LRRK2: variants seen among roughly 807,000 people sequenced by gnomAD.
LRRK2 encodes leucine rich repeat kinase 2.
In LRRK2, 203 loss-of-function variants were observed where a neutral mutation model predicts 302.6. The ratio of observed to expected loss-of-function variants is 0.67; its 90% confidence interval spans 0.60 to 0.75. The LOEUF (loss-of-function observed/expected upper bound fraction) is 0.75. Among genes scored for constraint, LRRK2 ranks in the 30% least tolerant of loss-of-function variants. The probability of loss-of-function intolerance (pLI) is 0.00; values close to 1 mark genes in which losing one functional copy is unlikely to be tolerated. For synonymous variants in LRRK2, 1,066 were observed against 1,031.9 expected, an observed-to-expected ratio of 1.03 and a Z score of -0.63; for missense variants, 2,830 against 2,951.0, an observed-to-expected ratio of 0.96 and a Z score of 0.95.
intron 19 of LRRK2, 128 bp downstream of exon 19, chr12:40,284,261 A>AT (rs55933352): frequency 0.014 from 7,503 of 519,874 alleles, no homozygotes; most frequent in South Asian, 0.02. Context: ...AAAGGTTTGG[A>AT]TTTTTTTTTT....
At chr12:40,325,163 C>T (rs1282819873) in intron 38 of LRRK2, among the ~76,000 whole-genome samples, 1 of 152,138 alleles carries the variant, frequency 6.6e-6, no homozygotes, top group Non-Finnish European at 1.5e-5. Context: ...TGGTGGGCAT[C>T]TGTAATCTCA....
intron 20 of LRRK2, 50 bp from the exon 21 acceptor site, chr12:40,293,495 A>G: frequency 1.7e-6 from 2 of 1,159,080 alleles, no homozygotes; most frequent in Middle Eastern, 4.2e-4. Context: ...CTTATGATTG[A>G]GTAAGCTTTT....
chr12:40,280,697 G>A (rs1943653528), intron 18 of LRRK2, among the ~76,000 whole-genome samples: 1 of 151,540 alleles, frequency 6.6e-6, no homozygotes, highest in South Asian at 2.1e-4. Flanking sequence ...GATCACTTGA[G>A]CCTAGGAGGT....
Position 40,363,399 on chromosome 12 carries a change from T to C in LRRK2, c.7029-3T>C, listed in dbSNP as rs199932095. 25 of 1,610,582 alleles carry C rather than the reference T, an allele frequency of 1.6e-5. No homozygotes were observed. Among genetic ancestry groups the C allele is most frequent in the Non-Finnish European group, 2.0e-5 (23 of 1,177,970 alleles). On this transcript the variant is annotated splice_polypyrimidine_tract_variant and splice_region_variant and intron_variant, in intron 47 of 50. Transcript: ENST00000298910. The stretch of plus-strand genomic sequence containing the variant: ...ATGACTTTCTATTTTTTTTTCTCTG[T>C]AGGTTTTCTTATGCAGCTTTCAGTG...
At chr12:40,317,396 G>C (rs980365982) in intron 33 of LRRK2, among the ~76,000 whole-genome samples, 1 of 152,076 alleles carries the variant, frequency 6.6e-6, no homozygotes, top group African/African-American at 2.4e-5. Context: ...AGAGCAACTT[G>C]TCTGACAGCT....
rs554060291 is a variant in LRRK2, at chr12:40,246,591, G to A, written c.838+2910G>A. 9.2e-5 allele frequency among the ~76,000 whole-genome samples: 14 copies of A among 152,108 alleles called. No individual in the cohort carries two copies. In the Middle Eastern group the frequency reaches 0.024, roughly 259 times the overall value. On this transcript the variant is annotated intron_variant, in intron 7 of 50. Coordinates refer to ENST00000298910, the MANE Select transcript of LRRK2 (RefSeq NM_198578.4). ...TCTAGGCTGACTGCCTGTCAGTTGCGGAGCCTTGTTTTCTTGTATGGTTGT... is the reference window on the plus strand; with the variant it reads ...TCTAGGCTGACTGCCTGTCAGTTGCAGAGCCTTGTTTTCTTGTATGGTTGT...
At chr12:40,295,381 A>G (rs201633454) in intron 22 of LRRK2, 46 bp from the exon 23 acceptor site, 36 of 1,560,792 alleles carry the variant, frequency 2.3e-5, no homozygotes, top group Non-Finnish European at 2.8e-5. Context: ...ACATGAATTT[A>G]AATTATTTGC....
intron 50 of LRRK2, 181 bp downstream of exon 50, chr12:40,367,258 TTAAA>T: frequency 1.8e-6 from 1 of 563,380 alleles, no homozygotes; most frequent in Non-Finnish European, 3.1e-6. Context: ...ATATGAAGTG[TTAAA>T]TATTTATATT....
At chr12:40,351,057 T>C (rs1472960497) in intron 43 of LRRK2, among the ~76,000 whole-genome samples, 2 of 152,200 alleles carry the variant, frequency 1.3e-5, no homozygotes, top group Non-Finnish European at 2.9e-5. Flanking sequence ...CTTCTGGTTC[T>C]GTTTTCTTAC....
Position 40,308,544 on chromosome 12 carries a change from G to A in LRRK2, c.4037G>A (p.Gly1346Asp). Residue 1346 changes from glycine to aspartate, a missense_variant, in exon 29 of 51, where the codon GGT becomes GAT. By Grantham distance (94) the Gly-to-Asp change is moderately conservative. Around this residue, in one of 3 missense-constraint regions of LRRK2, gnomAD observed 2,121 missense variants for 2,148.0 expected, o/e 0.99. Coordinates refer to ENST00000298910, the MANE Select transcript of LRRK2 (RefSeq NM_198578.4). The stretch of plus-strand genomic sequence containing the variant: ...ATGATTGTGGGAAATACTGGGAGTG[G>A]TAAAACCACCTTATTGCAGCAATTA... ...KLMIVGNTGS[G>D]KTTLLQQLMK... 6.2e-7 allele frequency: 1 copy of A among 1,613,984 alleles called. No individual in the cohort carries two copies. The highest frequency in any genetic ancestry group is 8.5e-7 in the Non-Finnish European group (1 of 1,179,956).
rs1945434072 is a variant in LRRK2 at position 40,322,514 on chromosome 12, T to C, written c.5509+4T>C. 6.2e-7 allele frequency: 1 copy of C among 1,611,666 alleles called. No homozygotes were observed. The highest frequency in any genetic ancestry group is 1.7e-5 in the Admixed American group (1 of 59,964). ...TTGATGAAGAAAGCAGAGGAAGGTA[T>C]GTTTTGATACAACTTACAAATGCTT... is the stretch of plus-strand genomic sequence containing the variant. On this transcript the variant is annotated splice_donor_region_variant and intron_variant, in intron 37 of 50. Coordinates refer to ENST00000298910, the MANE Select transcript of LRRK2 (RefSeq NM_198578.4).
In LRRK2 at chr12:40,238,004, G is replaced by T; in HGVS notation, c.472G>T (p.Asp158Tyr). 6.2e-7 allele frequency: 1 copy of T among 1,612,970 alleles called. No homozygotes were observed. Among genetic ancestry groups the T allele is most frequent in the Non-Finnish European group, 8.5e-7 (1 of 1,179,266 alleles). The change falls in exon 5 of 51, where the codon GAT becomes TAT. Residue 158 changes from aspartate to tyrosine, a missense_variant. Around this residue, in one of 3 missense-constraint regions of LRRK2, gnomAD observed 2,121 missense variants for 2,148.0 expected, o/e 0.99. Coordinates refer to ENST00000298910, the MANE Select transcript of LRRK2 (RefSeq NM_198578.4). The stretch of plus-strand genomic sequence containing the variant: ...CTTGCTGATATTGGATGAAGAAAGT[G>T]ATATTTTCATGTTAATTTTTGATGC... Reference protein sequence around the residue: ...ITLLILDEESDIFMLIFDAMH... With the variant: ...ITLLILDEESYIFMLIFDAMH...
At chr12:40,307,433 G>GT (rs1303355461) in intron 28 of LRRK2, among the ~76,000 whole-genome samples, 6 of 151,944 alleles carry the variant, frequency 3.9e-5, no homozygotes, top group African/African-American at 1.4e-4. Context: ...TTTAAAGGTG[G>GT]TTTTTTAGCT....
At chr12:40,340,198 C>A (rs1299940443) in intron 40 of LRRK2, 96 bp from the exon 41 acceptor site, 2 of 1,270,276 alleles carry the variant, frequency 1.6e-6, no homozygotes, top group Non-Finnish European at 2.2e-6. Context: ...ATTTTTGATG[C>A]TTGACATAGT....
intron 23 of LRRK2, among the ~76,000 whole-genome samples, chr12:40,296,761 A>T (rs1012263805): frequency 6.6e-6 from 1 of 152,136 alleles, no homozygotes; most frequent in South Asian, 2.1e-4. Flanking sequence ...TTTTTTCTCT[A>T]AAGTTTTTAT....
At position 40,321,092 on chromosome 12, in the gene LRRK2, A is replaced by G; in HGVS notation, c.5074A>G (p.Ile1692Val). Residue 1692 changes from isoleucine to valine, a missense_variant, in exon 35 of 51, where the codon ATC (isoleucine) becomes GTC (valine). Ile to Val is a conservative substitution (Grantham distance 29). Around this residue, in one of 3 missense-constraint regions of LRRK2, gnomAD observed 2,121 missense variants for 2,148.0 expected, o/e 0.99. Transcript: ENST00000298910. ...CCATTGTGAGAACTCTGAAATTATC[A>G]TCCGACTATATGAAATGCCTTATTT... The part of the protein sequence containing the change: ...LPHCENSEII[I>V]RLYEMPYFPM... 1 of 1,612,940 alleles carries G rather than the reference A, an allele frequency of 6.2e-7. No homozygotes were observed. Among genetic ancestry groups the G allele is most frequent in the Non-Finnish European group, 8.5e-7 (1 of 1,179,090 alleles).
At chr12:40,235,413 T>C (rs1052718852) in intron 3 of LRRK2, among the ~76,000 whole-genome samples, 13 of 152,148 alleles carry the variant, frequency 8.5e-5, no homozygotes, top group Admixed American at 8.5e-4. Flanking sequence ...GAGTTTGAGG[T>C]TTCAGTGAGC....
intron 48 of LRRK2, 124 bp from the exon 49 acceptor site, chr12:40,364,718 A>G (rs1946823852): frequency 3.7e-6 from 3 of 818,254 alleles, no homozygotes; most frequent in African/African-American, 1.7e-5. Flanking sequence ...TATAATTTTA[A>G]TGATGCATAA....
At chr12:40,278,891 T>C (rs1253604109) in intron 18 of LRRK2, among the ~76,000 whole-genome samples, 2 of 152,186 alleles carry the variant, frequency 1.3e-5, no homozygotes, top group African/African-American at 4.8e-5. Context: ...AAAATTAAGA[T>C]TTACTTCTTT....
Sources: gnomAD v4.1 joint callset for allele counts (sites outside exome capture counted in the v4.1 genomes callset) on GRCh38, gnomAD v4.1.1 for gene constraint, gnomAD v4.1.1 regional missense constraint, MANE v1.5 for transcripts, NCBI Gene and HGNC (gene_info 2026-07-23, HGNC 2026-07-21) for gene names.